Variants in KCNH8 observed in about 807,000 individuals in gnomAD.
KCNH8 encodes the protein voltage-gated delayed rectifier potassium channel KCNH8.
A neutral mutation model predicts 103.6 loss-of-function variants in KCNH8; 70 were observed. The ratio of observed to expected loss-of-function variants is 0.68; its 90% CI spans 0.56 to 0.82. The LOEUF (loss-of-function observed/expected upper bound fraction) is 0.82. KCNH8 is among the 40% of genes least tolerant of loss of function. The pLI is 0.00. For missense variants in KCNH8, 1,217 were observed against 1,329.9 expected, an observed-to-expected ratio of 0.92 and a Z score of 1.32; for synonymous variants, 498 against 489.4, an observed-to-expected ratio of 1.02 and a Z score of -0.23.
chr3:19,512,651 G>A (rs1429254831), intron 12 of KCNH8, among the ~76,000 whole-genome samples: 1 of 152,060 alleles, frequency 6.6e-6, no homozygotes, highest in African/African-American at 2.4e-5. Flanking sequence ...ATGACAGGCT[G>A]ATTAAAATCT....
intron 1 of KCNH8, among the ~76,000 whole-genome samples, chr3:19,223,319 AAG>A (rs1162948154): frequency 6.6e-6 from 1 of 152,174 alleles, no homozygotes; most frequent in Non-Finnish European, 1.5e-5. Flanking sequence ...TTTATGAAGT[AAG>A]TCTATTGCAG....
chr3:19,501,099 C>A (rs1160836708), intron 11 of KCNH8, among the ~76,000 whole-genome samples: 1 of 152,104 alleles, frequency 6.6e-6, no homozygotes, highest in Non-Finnish European at 1.5e-5. Context: ...GGGGATATCA[C>A]CACCGATCCC....
chr3:19,411,409 A>G (rs1465511449), intron 7 of KCNH8, among the ~76,000 whole-genome samples: 1 of 152,096 alleles, frequency 6.6e-6, no homozygotes, highest in East Asian at 1.9e-4. Context: ...AGCCAATATC[A>G]TACTTAACAG....
chr3:19,352,823 A>G (rs1245623595), intron 5 of KCNH8, among the ~76,000 whole-genome samples: 1 of 152,222 alleles, frequency 6.6e-6, no homozygotes, highest in Admixed American at 6.5e-5. Flanking sequence ...AATTAAAAGA[A>G]CTAGAGAAGC....
intron 3 of KCNH8, among the ~76,000 whole-genome samples, chr3:19,285,904 C>A (rs537178788): frequency 6.6e-6 from 1 of 152,038 alleles, no homozygotes; most frequent in Non-Finnish European, 1.5e-5. Context: ...CAAGATAGAG[C>A]GGGTCAGCAA....
intron 3 of KCNH8, among the ~76,000 whole-genome samples, chr3:19,335,056 A>G (rs1034668961): frequency 7.2e-5 from 11 of 151,986 alleles, no homozygotes; most frequent in African/African-American, 2.2e-4. Flanking sequence ...TCTCTGAAAT[A>G]TATATAATTT....
chr3:19,498,863 G>A (rs1416924346), intron 11 of KCNH8, among the ~76,000 whole-genome samples: 2 of 146,528 alleles, frequency 1.4e-5, no homozygotes, highest in African/African-American at 5.5e-5. Flanking sequence ...GTCTGCCCCT[G>A]TTGGGGGGTG....
intron 11 of KCNH8, among the ~76,000 whole-genome samples, chr3:19,473,781 C>A (rs955834484): frequency 8.5e-5 from 13 of 152,268 alleles, no homozygotes; most frequent in African/African-American, 2.6e-4. Context: ...CTGATGCACA[C>A]ACATACATTT....
chr3:19,496,537 T>G (rs1015691999), intron 11 of KCNH8, among the ~76,000 whole-genome samples: 1 of 152,210 alleles, frequency 6.6e-6, no homozygotes, highest in Admixed American at 6.5e-5. Flanking sequence ...ATCCCAGGGA[T>G]AAAGCCTACT....
At position 19,533,246 on chromosome 3, in the gene KCNH8, C is replaced by A. The variant is rs559943870; in HGVS notation, c.2620-149C>A. The stretch of plus-strand genomic sequence containing the variant: ...AAAAAGAAAAAAAAAATTTCTTTTT[C>A]ACCAAGCAAATGCTAAAATGTTTAA... On this transcript the variant is annotated intron_variant, in intron 15 of 15. Transcript: ENST00000328405. 3.3e-3 allele frequency: 1,947 copies of A among 584,494 alleles called. 15 individuals are homozygous for A. Among genetic ancestry groups the A allele is most frequent in the Non-Finnish European group, 3.0e-3 (1,028 of 337,650 alleles). The allele number at this position is 584,494 out of a possible 1,614,324, so 36.2% of individuals were successfully genotyped here.
At chr3:19,205,327 C>T (rs1037676371) in intron 1 of KCNH8, among the ~76,000 whole-genome samples, 1 of 151,948 alleles carries the variant, frequency 6.6e-6, no homozygotes, top group African/African-American at 2.4e-5. Context: ...TGCTTATATT[C>T]CACTGCTTTG....
chr3:19,241,842 G>A (rs1211283310), intron 1 of KCNH8, among the ~76,000 whole-genome samples: 1 of 152,110 alleles, frequency 6.6e-6, no homozygotes, highest in African/African-American at 2.4e-5. Context: ...TCAGGTATGT[G>A]TGGCTAACAA....
chr3:19,168,894 G>A (rs979853978), intron 1 of KCNH8, among the ~76,000 whole-genome samples: 1 of 151,926 alleles, frequency 6.6e-6, no homozygotes, highest in African/African-American at 2.4e-5. Flanking sequence ...TCTCAGGGTC[G>A]GTTTTCAAAC....
At chr3:19,263,038 T>C (rs1354849474) in intron 2 of KCNH8, among the ~76,000 whole-genome samples, 1 of 152,068 alleles carries the variant, frequency 6.6e-6, no homozygotes, top group Non-Finnish European at 1.5e-5. Flanking sequence ...ACCGTGGGCA[T>C]TAGGCTTATA....
chr3:19,514,130 G>A (rs2068834108), intron 13 of KCNH8, among the ~76,000 whole-genome samples: 2 of 152,178 alleles, frequency 1.3e-5, no homozygotes, highest in South Asian at 2.1e-4. Context: ...AGTGAAACTC[G>A]AAGGGTAAAT....
chr3:19,330,555 G>A (rs2065491620), intron 3 of KCNH8, among the ~76,000 whole-genome samples: 1 of 152,136 alleles, frequency 6.6e-6, no homozygotes, highest in Admixed American at 6.5e-5. Context: ...TTTAATATTG[G>A]GAGCATCAAG....
chr3:19,289,604 T>A (rs1480352197), intron 3 of KCNH8, among the ~76,000 whole-genome samples: 1 of 152,170 alleles, frequency 6.6e-6, no homozygotes, highest in Non-Finnish European at 1.5e-5. Flanking sequence ...TTGGTACCAG[T>A]ACCATGCTGT....
intron 1 of KCNH8, among the ~76,000 whole-genome samples, chr3:19,234,205 G>A (rs1338038243): frequency 6.6e-6 from 1 of 152,174 alleles, no homozygotes; most frequent in African/African-American, 2.4e-5. Flanking sequence ...CCAGACTCAG[G>A]AGCCCAGCTG....
chr3:19,440,602 A>G lies in KCNH8; in HGVS notation c.1375+2241A>G, dbSNP rs1324472221. ...AGGAAAAGCCTGCCACCATGATTCA[A>G]CTACCTCCCACTGGGTCCCTCCCCA... On this transcript the variant is annotated intron_variant, in intron 8 of 15. Transcript: ENST00000328405. 3.9e-5 allele frequency among the ~76,000 whole-genome samples: 6 copies of G among 152,230 alleles called. No individual in the cohort carries two copies. The South Asian group carries it at 1.0e-3, about 26-fold the overall frequency.
Sources: gnomAD v4.1 joint callset for allele counts (sites outside exome capture counted in the v4.1 genomes callset) on GRCh38, gnomAD v4.1.1 for gene constraint, MANE v1.5 for transcripts, NCBI Gene and HGNC (gene_info 2026-07-23, HGNC 2026-07-21) for gene names.